Variants in BABAM2 observed in about 807,000 individuals in gnomAD.
BABAM2 encodes BRISC and BRCA1 A complex member 2.
BABAM2 carries 31 observed loss-of-function variants against 54.7 expected under a neutral mutation model. The ratio of observed to expected loss-of-function variants is 0.57; its 90% CI spans 0.43 to 0.77. The LOEUF is 0.77. Ranked by LOEUF, BABAM2 falls within the 30% of genes least tolerant of loss-of-function variation. BABAM2 has a pLI of 0.00. For synonymous variants in BABAM2, 167 were observed against 162.9 expected (o/e 1.03, Z -0.19); for missense variants, 364 against 455.8 (o/e 0.80, Z 1.83).
At chr2:28,112,147 T>TTCCC (rs1558346715) in intron 6 of BABAM2, among the ~76,000 whole-genome samples, 22 of 5,244 alleles carry the variant, frequency 4.2e-3, no homozygotes, top group Admixed American at 9.7e-3. Context: ...CTTTCTTTCT[T>TTCCC]TACCTCCCTC....
intron 3 of BABAM2, among the ~76,000 whole-genome samples, chr2:27,977,857 C>T (rs1051811291): frequency 1.3e-5 from 2 of 152,040 alleles, no homozygotes; most frequent in Non-Finnish European, 2.9e-5. Flanking sequence ...AGATAGGTCA[C>T]GAGAACTGCC....
At chr2:28,100,594 T>C (rs1041316844) in intron 6 of BABAM2, among the ~76,000 whole-genome samples, 5 of 151,988 alleles carry the variant, frequency 3.3e-5, no homozygotes, top group African/African-American at 1.2e-4. Flanking sequence ...CGCCTTCTAA[T>C]CTCCAAACTC....
chr2:27,898,549 A>G (rs1309047470), intron 2 of BABAM2, among the ~76,000 whole-genome samples: 1 of 152,242 alleles, frequency 6.6e-6, no homozygotes, highest in African/African-American at 2.4e-5. Context: ...TCAAATGTCC[A>G]TCAGGTGATG....
rs1400772352 is a variant in BABAM2, at chr2:28,197,918, C to G, written c.681-39284C>G. Among the ~76,000 whole-genome samples, 10 of 152,192 alleles carry G rather than the reference C, an allele frequency of 6.6e-5. 1 individual carries two copies. The highest frequency in any genetic ancestry group is 5.2e-4 in the Admixed American group (8 of 15,278). On this transcript the variant is annotated intron_variant, in intron 7 of 11. Coordinates refer to ENST00000379624, the MANE Select transcript of BABAM2 (RefSeq NM_199191.3). ...TCTACCTAGCCACCATGTCCTTTAA[C>G]TTAAGTTCTGATAACCTAATTAGGT...
At chr2:28,014,749 C>G (rs1674676261) in intron 4 of BABAM2, among the ~76,000 whole-genome samples, 1 of 150,156 alleles carries the variant, frequency 6.7e-6, no homozygotes, top group African/African-American at 2.5e-5. Flanking sequence ...TAGTAATGAA[C>G]TTAAAACAGC....
chr2:28,229,536 A>G (rs1221425950), intron 7 of BABAM2, among the ~76,000 whole-genome samples: 1 of 151,040 alleles, frequency 6.6e-6, no homozygotes, highest in African/African-American at 2.4e-5. Context: ...ACTGTGCCTC[A>G]TCAGAGAACA....
chr2:28,206,484 C>A (rs1212560340), intron 7 of BABAM2, among the ~76,000 whole-genome samples: 1 of 152,042 alleles, frequency 6.6e-6, no homozygotes, highest in Non-Finnish European at 1.5e-5. Context: ...TTGTCCATAC[C>A]TTTTCTGAGG....
At chr2:28,301,146 A>G (rs911319142) in intron 11 of BABAM2, among the ~76,000 whole-genome samples, 1 of 152,232 alleles carries the variant, frequency 6.6e-6, no homozygotes, top group African/African-American at 2.4e-5. Context: ...CACAGTGCGT[A>G]AAAGGCTATA....
At chr2:28,104,237 C>T (rs1334403418) in intron 6 of BABAM2, among the ~76,000 whole-genome samples, 8 of 152,076 alleles carry the variant, frequency 5.3e-5, no homozygotes, top group African/African-American at 1.7e-4. Flanking sequence ...AAAGAAACTA[C>T]CATCAGAGTG....
intron 3 of BABAM2, among the ~76,000 whole-genome samples, chr2:27,961,476 G>C (rs533753972): frequency 2.6e-4 from 40 of 152,276 alleles, no homozygotes; most frequent in African/African-American, 8.9e-4. Context: ...ATAAGCTAAT[G>C]TAAGTGTTCT....
At chr2:28,240,510 A>T (rs1327013612) in intron 8 of BABAM2, among the ~76,000 whole-genome samples, 1 of 152,192 alleles carries the variant, frequency 6.6e-6, no homozygotes, top group Non-Finnish European at 1.5e-5. Context: ...ACTATTTATT[A>T]TAGATTTAGA....
At chr2:28,032,539 C>T (rs1416058044) in intron 5 of BABAM2, among the ~76,000 whole-genome samples, 2 of 152,114 alleles carry the variant, frequency 1.3e-5, no homozygotes, top group Non-Finnish European at 2.9e-5. Flanking sequence ...AATTCTTTAC[C>T]GTTGTATTTT....
chr2:28,093,124 T>C (rs186245110), intron 6 of BABAM2, among the ~76,000 whole-genome samples: 2 of 152,324 alleles, frequency 1.3e-5, no homozygotes, highest in Admixed American at 6.5e-5. Context: ...AGAGTAATCA[T>C]TTCTGTTCTT....
chr2:28,081,075 A>C (rs1402775321), intron 6 of BABAM2, among the ~76,000 whole-genome samples: 4 of 152,200 alleles, frequency 2.6e-5, no homozygotes, highest in Non-Finnish European at 5.9e-5. Context: ...CCTTCCTAGC[A>C]GTTGGTGAAG....
intron 2 of BABAM2, among the ~76,000 whole-genome samples, chr2:27,929,139 C>T (rs1667923330): frequency 6.6e-6 from 1 of 151,782 alleles, no homozygotes; most frequent in South Asian, 2.1e-4. Context: ...GAGCTTGAGC[C>T]TGAGAGATTG....
intron 11 of BABAM2, among the ~76,000 whole-genome samples, chr2:28,310,729 C>T (rs1255137761): frequency 2.0e-5 from 3 of 151,434 alleles, no homozygotes; most frequent in Non-Finnish European, 4.4e-5. Context: ...ACTAAAAATA[C>T]AAAAATTAGC....
chr2:28,284,241 C>T (rs561011537), intron 10 of BABAM2, among the ~76,000 whole-genome samples: 2 of 152,238 alleles, frequency 1.3e-5, no homozygotes, highest in South Asian at 4.1e-4. Flanking sequence ...AATTTCCATT[C>T]CCCTGCTGCC....
At chr2:28,014,170 G>T (rs772181561) in intron 4 of BABAM2, among the ~76,000 whole-genome samples, 8 of 152,070 alleles carry the variant, frequency 5.3e-5, no homozygotes, top group Non-Finnish European at 1.2e-4. Context: ...CATACAGGAT[G>T]GGGGGAGGTA....
intron 6 of BABAM2, among the ~76,000 whole-genome samples, chr2:28,090,731 G>A (rs891591565): frequency 6.6e-5 from 10 of 152,214 alleles, no homozygotes; most frequent in African/African-American, 2.4e-4. Flanking sequence ...TGGACATTTT[G>A]TGTGTAAATT....
Sources: allele counts gnomAD v4.1 joint callset (sites outside exome capture counted in the v4.1 genomes callset), GRCh38; gene constraint gnomAD v4.1.1; transcripts MANE v1.5; gene names NCBI Gene and HGNC (gene_info 2026-07-23, HGNC 2026-07-21).